The following NEK5 variants were observed in gnomAD, a reference collection of about 807,000 sequenced individuals.
NEK5 encodes NIMA related kinase 5.
A neutral mutation model predicts 109.2 loss-of-function variants in NEK5; 88 were observed. That is an observed-to-expected ratio of 0.81 (90% CI 0.68 to 0.96). The LOEUF (loss-of-function observed/expected upper bound fraction) is 0.96, where lower values mean the gene tolerates loss of function less well. Ranked by LOEUF, NEK5 falls within the 40% of genes least tolerant of loss-of-function variation. The pLI is 0.00. For missense variants in NEK5, 834 were observed against 920.7 expected (o/e 0.91, Z 1.22); for synonymous variants, 283 against 299.9 (o/e 0.94, Z 0.58).
At chr13:52,054,680 CA>C (rs1954537617) in intron 22 of NEK5, among the ~76,000 whole-genome samples, 1 of 152,026 alleles carries the variant, frequency 6.6e-6, no homozygotes, top group Non-Finnish European at 1.5e-5. Flanking sequence ...CACCCCCCAG[CA>C]GGGGCAGACT....
intron 22 of NEK5, among the ~76,000 whole-genome samples, chr13:52,054,469 A>G (rs1029569453): frequency 6.6e-6 from 1 of 152,190 alleles, no homozygotes; most frequent in African/African-American, 2.4e-5. Flanking sequence ...TACAGGCATG[A>G]GCCTGGCCAG....
At position 52,121,159 on chromosome 13, in the gene NEK5, C is replaced by CTT. The variant is rs34187285; in HGVS notation, c.118-1746_118-1745dup. On this transcript the variant is annotated intron_variant, in intron 3 of 23. Coordinates refer to ENST00000684899, the MANE Select transcript of NEK5 (RefSeq NM_001365552.1). The stretch of plus-strand genomic sequence containing the variant: ...GGGGTCTGTATCCTGCTGAAGAAAT[C>CTT]TTTTTTTTTTTTTTTTTAAGACAAG... 8.8e-3 allele frequency among the ~76,000 whole-genome samples: 1,206 copies of CTT among 136,610 alleles called. 10 individuals carry two copies. Among genetic ancestry groups the CTT allele is most frequent in the African/African-American group, 0.029 (1,043 of 36,530 alleles). 89.6% of individuals were successfully genotyped at this position (136,610 alleles called of 152,430 possible).
chr13:52,099,955 C>T (rs1418890001), intron 11 of NEK5, 79 bp from the exon 12 acceptor site: 1 of 1,079,998 alleles, frequency 9.3e-7, no homozygotes, highest in African/African-American at 1.6e-5. Context: ...AGAGTATAAA[C>T]ATAAGCTACA....
rs1593911642 is a variant in NEK5 at position 52,037,158 on chromosome 13, G to A, written c.2289C>T (p.Leu763=). The part of the protein sequence containing the change: ...RDEVVEYLEK[L]ATFKGEEKTE... ...TTTTTTCTTCCCCTTTGAAAGTAGC[G>A]AGTTTTTCTAAGTATTCTACTACTT... The change falls in exon 24 of 24, where the codon CTC becomes CTT. Residue 763 remains leucine (L), a synonymous_variant. Coordinates refer to ENST00000684899, the MANE Select transcript of NEK5 (RefSeq NM_001365552.1). 1 of 984,856 alleles carries A rather than the reference G, an allele frequency of 1.0e-6. No individual in the cohort carries two copies. The highest frequency in any genetic ancestry group is 5.2e-4 in the Middle Eastern group (1 of 1,914). The allele number at this position is 984,856 out of a possible 1,614,324, so 61.0% of individuals were successfully genotyped here. A position where few individuals can be genotyped will look rare whatever the true frequency, so the allele number is the denominator to read the frequency against.
intron 3 of NEK5, among the ~76,000 whole-genome samples, chr13:52,123,731 A>C (rs1956013434): frequency 6.6e-6 from 1 of 152,196 alleles, no homozygotes; most frequent in African/African-American, 2.4e-5. Context: ...CCAGAAAGAA[A>C]GCAGTCAGTA....
At chr13:52,051,131 G>T (rs149502466) in intron 22 of NEK5, among the ~76,000 whole-genome samples, 1 of 150,710 alleles carries the variant, frequency 6.6e-6, no homozygotes, top group African/African-American at 2.4e-5. Flanking sequence ...GGCTATAAAC[G>T]TTTTTTAAAG....
intron 3 of NEK5, among the ~76,000 whole-genome samples, chr13:52,122,742 G>A (rs1366081981): frequency 1.1e-4 from 17 of 152,004 alleles, no homozygotes; most frequent in Non-Finnish European, 2.5e-4. Flanking sequence ...ACTCCAGCCT[G>A]GGCAACAGAG....
chr13:52,097,299 G>C (rs182206183), intron 12 of NEK5, among the ~76,000 whole-genome samples: 7 of 152,290 alleles, frequency 4.6e-5, no homozygotes, highest in African/African-American at 1.7e-4. Context: ...CCATTCTCCT[G>C]ACTCCAAAAA....
intron 23 of NEK5, among the ~76,000 whole-genome samples, chr13:52,042,203 TAAGAAA>T (rs967013139): frequency 2.6e-5 from 4 of 151,526 alleles, no homozygotes; most frequent in Non-Finnish European, 5.9e-5. Context: ...ATGAAAAGAA[TAAGAAA>T]GTTTACTACT....
At position 52,099,394 on chromosome 13, in the gene NEK5, G is replaced by A. The variant is rs552042959; in HGVS notation, c.1026+349C>T. ...AAAAGTATAAAAATTAGCCGGGGCC[G>A]GGCGCCATGGCTCACACCTGTAATC... On this transcript the variant is annotated intron_variant, in intron 12 of 23. Coordinates refer to ENST00000684899, the MANE Select transcript of NEK5 (RefSeq NM_001365552.1). 1.8e-4 allele frequency among the ~76,000 whole-genome samples: 28 copies of A among 152,124 alleles called. 1 individual carries two copies. The South Asian group carries it at 4.8e-3, about 26-fold the overall frequency.
chr13:52,046,529 G>A (rs941460659), intron 23 of NEK5, among the ~76,000 whole-genome samples: 5 of 150,418 alleles, frequency 3.3e-5, no homozygotes, highest in African/African-American at 9.7e-5. Flanking sequence ...TTTAAGACCA[G>A]TCTGGGCAAT....
At chr13:52,122,225 G>A (rs978338291) in intron 3 of NEK5, among the ~76,000 whole-genome samples, 2 of 152,184 alleles carry the variant, frequency 1.3e-5, no homozygotes, top group African/African-American at 2.4e-5. Context: ...TTTAGCCTCA[G>A]CTCTTTCACT....
chr13:52,060,382 C>T (rs1168028649), intron 22 of NEK5, among the ~76,000 whole-genome samples: 2 of 151,738 alleles, frequency 1.3e-5, no homozygotes, highest in Admixed American at 6.6e-5. Flanking sequence ...TAGACAAAGT[C>T]CCACTCTTGT....
At chr13:52,079,528 CTAA>C (rs1223822159) in intron 17 of NEK5, among the ~76,000 whole-genome samples, 10 of 152,398 alleles carry the variant, frequency 6.6e-5, no homozygotes, top group African/African-American at 2.2e-4. Flanking sequence ...TCTCCAGCTC[CTAA>C]CAGCGAGTGA....
chr13:52,094,166 C>A (rs556493680), intron 12 of NEK5, among the ~76,000 whole-genome samples: 1 of 152,150 alleles, frequency 6.6e-6, no homozygotes, highest in Non-Finnish European at 1.5e-5. Context: ...TATCTTCCAA[C>A]TGAGTAGAAG....
In NEK5 at chr13:52,127,410, A is replaced by T. The variant is rs1250912529; in HGVS notation, c.73T>A (p.Ser25Thr). 6.2e-7 allele frequency: 1 copy of T among 1,612,218 alleles called. No individual in the cohort carries two copies. Among genetic ancestry groups the T allele is most frequent in the Admixed American group, 1.7e-5 (1 of 60,004 alleles). ...TTTATGACACAGTGCTTGCTATCTGATTTCCCTTTAGCTAAGTATGCTTTC... is the reference window on the plus strand; with the variant it reads ...TTTATGACACAGTGCTTGCTATCTGTTTTCCCTTTAGCTAAGTATGCTTTC... Reference protein sequence around the residue: ...FGKAYLAKGKSDSKHCVIKEI... With the variant: ...FGKAYLAKGKTDSKHCVIKEI... Residue 25 changes from serine to threonine, a missense_variant, in exon 3 of 24, where the codon TCA (serine) becomes ACA (threonine). Ser to Thr is a moderately conservative substitution (Grantham distance 58). This residue lies in a region of NEK5 where 777 missense variants were observed against 824.7 expected (regional missense o/e 0.94). Coordinates refer to ENST00000684899, the MANE Select transcript of NEK5 (RefSeq NM_001365552.1).
chr13:52,057,188 GA>G lies in NEK5; in HGVS notation c.2110+4630del. The stretch of plus-strand genomic sequence containing the variant: ...CAAACATCTCTACGCAAATAAACTA[GA>G]AAATCTAGAAGACATGGATAAATTC... On this transcript the variant is annotated intron_variant, in intron 22 of 23. Coordinates refer to ENST00000684899, the MANE Select transcript of NEK5 (RefSeq NM_001365552.1). Among the ~76,000 whole-genome samples, 2 of 152,136 alleles carry G rather than the reference GA, an allele frequency of 1.3e-5. 1 individual carries two copies. Among genetic ancestry groups the G allele is most frequent in the East Asian group, 3.9e-4 (2 of 5,194 alleles).
intron 23 of NEK5, among the ~76,000 whole-genome samples, chr13:52,040,643 A>G (rs1384080538): frequency 6.6e-6 from 1 of 152,180 alleles, no homozygotes; most frequent in Non-Finnish European, 1.5e-5. Context: ...TGATCTAATC[A>G]GCATTTGTTC....
intron 23 of NEK5, among the ~76,000 whole-genome samples, chr13:52,039,245 G>A (rs1954394101): frequency 6.6e-6 from 1 of 152,206 alleles, no homozygotes; most frequent in Non-Finnish European, 1.5e-5. Context: ...CACGATGAGT[G>A]TGTGTGGATG....
Sources: allele counts gnomAD v4.1 joint callset (sites outside exome capture counted in the v4.1 genomes callset), GRCh38; gene constraint gnomAD v4.1.1; regional missense constraint gnomAD v4.1.1; transcripts MANE v1.5; gene names NCBI Gene and HGNC (gene_info 2026-07-23, HGNC 2026-07-21).